The following EPHA5 variants were observed in gnomAD, a reference collection of about 807,000 sequenced individuals.
The protein encoded by EPHA5 is ephrin type-A receptor 5.
A neutral mutation model predicts 105.0 loss-of-function variants in EPHA5; 60 were observed. That is an observed-to-expected ratio of 0.57 (90% CI 0.46 to 0.71). EPHA5 has a LOEUF of 0.71. EPHA5 is among the 30% of genes least tolerant of loss of function. The pLI, the probability that EPHA5 is intolerant of heterozygous loss-of-function variation, is 0.00. For missense variants in EPHA5, 1,218 were observed against 1,274.7 expected (o/e 0.96, Z 0.68); for synonymous variants, 513 against 449.1 (o/e 1.14, Z -1.80).
At chr4:65,421,475 C>G (rs1723939393) in intron 5 of EPHA5, among the ~76,000 whole-genome samples, 1 of 152,024 alleles carries the variant, frequency 6.6e-6, no homozygotes, top group Non-Finnish European at 1.5e-5. Context: ...ATATTTTGTT[C>G]AGTAGTGAAT....
intron 1 of EPHA5, among the ~76,000 whole-genome samples, chr4:65,654,377 T>G (rs2149534547): frequency 6.6e-6 from 1 of 152,100 alleles, no homozygotes; most frequent in South Asian, 2.1e-4. Flanking sequence ...TTGTTCAAGT[T>G]CCATAGAATA....
chr4:65,476,720 T>A (rs1250782092), intron 5 of EPHA5, among the ~76,000 whole-genome samples: 2 of 152,066 alleles, frequency 1.3e-5, no homozygotes, highest in Non-Finnish European at 2.9e-5. Context: ...AATTAACTAA[T>A]TAATTAATTT....
intron 5 of EPHA5, among the ~76,000 whole-genome samples, chr4:65,478,261 T>C (rs1730021771): frequency 6.6e-6 from 1 of 152,144 alleles, no homozygotes; most frequent in South Asian, 2.1e-4. Context: ...CCAATATAGA[T>C]ATATTCATGA....
At chr4:65,654,222 AC>A (rs1427919952) in intron 1 of EPHA5, among the ~76,000 whole-genome samples, 10 of 147,848 alleles carry the variant, frequency 6.8e-5, no homozygotes, top group Non-Finnish European at 1.5e-4. Context: ...CCAGACATCT[AC>A]CCTCCAACTT....
At chr4:65,528,431 T>C (rs1735448231) in intron 3 of EPHA5, among the ~76,000 whole-genome samples, 1 of 152,086 alleles carries the variant, frequency 6.6e-6, no homozygotes, top group African/African-American at 2.4e-5. Flanking sequence ...TTTAATTCGC[T>C]TCTTCCTCCG....
chr4:65,664,716 T>C (rs1362113138), intron 1 of EPHA5, among the ~76,000 whole-genome samples: 1 of 151,962 alleles, frequency 6.6e-6, no homozygotes, highest in Non-Finnish European at 1.5e-5. Context: ...ACCTGAAATA[T>C]ACTCACTACA....
At chr4:65,540,276 C>T (rs1452233047) in intron 3 of EPHA5, among the ~76,000 whole-genome samples, 1 of 151,364 alleles carries the variant, frequency 6.6e-6, no homozygotes, top group African/African-American at 2.4e-5. Flanking sequence ...CACATGAAAA[C>T]TTATTTCTTT....
chr4:65,576,372 G>T (rs900460883), intron 3 of EPHA5, among the ~76,000 whole-genome samples: 3 of 152,202 alleles, frequency 2.0e-5, no homozygotes, highest in African/African-American at 7.2e-5. Flanking sequence ...TTCACCAGAA[G>T]AAGTACAGCC....
At chr4:65,625,289 T>G (rs984985022) in intron 2 of EPHA5, among the ~76,000 whole-genome samples, 1 of 152,006 alleles carries the variant, frequency 6.6e-6, no homozygotes, top group Non-Finnish European at 1.5e-5. Flanking sequence ...ATAGATCTAG[T>G]TTTTTTTAAA....
At chr4:65,397,595 C>T (rs908353042) in intron 8 of EPHA5, among the ~76,000 whole-genome samples, 3 of 146,080 alleles carry the variant, frequency 2.1e-5, no homozygotes, top group Admixed American at 6.8e-5. Flanking sequence ...AAATAGTCTA[C>T]GTTTTAGATT....
intron 2 of EPHA5, among the ~76,000 whole-genome samples, chr4:65,625,673 G>T (rs1746072835): frequency 6.6e-6 from 1 of 152,122 alleles, no homozygotes; most frequent in Admixed American, 6.6e-5. Flanking sequence ...TTGTAGTTAT[G>T]ATAAGAAATA....
intron 5 of EPHA5, among the ~76,000 whole-genome samples, chr4:65,429,919 A>G (rs1006329248): frequency 1.3e-5 from 2 of 152,086 alleles, no homozygotes; most frequent in Admixed American, 6.6e-5. Flanking sequence ...CATCCCAATC[A>G]CAATATCTTT....
At chr4:65,527,408 T>C (rs1735340482) in intron 3 of EPHA5, among the ~76,000 whole-genome samples, 1 of 152,090 alleles carries the variant, frequency 6.6e-6, no homozygotes, top group African/African-American at 2.4e-5. Flanking sequence ...TAATATGTTC[T>C]GAATTAGCGA....
At chr4:65,367,271 A>G in intron 9 of EPHA5, 86 bp downstream of exon 9, 1 of 1,146,832 alleles carries the variant, frequency 8.7e-7, no homozygotes, top group Non-Finnish European at 1.2e-6. Flanking sequence ...GTCAGTTATT[A>G]TAAATCTTGT....
At chr4:65,398,900 C>T (rs370962613) in intron 8 of EPHA5, among the ~76,000 whole-genome samples, 1 of 152,176 alleles carries the variant, frequency 6.6e-6, no homozygotes, top group Non-Finnish European at 1.5e-5. Flanking sequence ...TAACCTTGCT[C>T]ATTCTACAGT....
At chr4:65,642,040 G>C (rs1025737070) in intron 2 of EPHA5, among the ~76,000 whole-genome samples, 1 of 151,848 alleles carries the variant, frequency 6.6e-6, no homozygotes, top group South Asian at 2.1e-4. Flanking sequence ...CTCTTCCAAG[G>C]CTCTATTTTA....
intron 2 of EPHA5, among the ~76,000 whole-genome samples, chr4:65,611,264 T>C (rs931367436): frequency 1.3e-5 from 2 of 152,092 alleles, no homozygotes; most frequent in African/African-American, 2.4e-5. Flanking sequence ...TTCAATATAT[T>C]TCGGTATATT....
intron 2 of EPHA5, among the ~76,000 whole-genome samples, chr4:65,637,569 CAT>C (rs34456844): frequency 0.064 from 7,219 of 112,378 alleles, 489 homozygotes; most frequent in African/African-American, 0.17. Flanking sequence ...ATGAGTTTTG[CAT>C]ATATATATAT....
intron 2 of EPHA5, among the ~76,000 whole-genome samples, chr4:65,626,406 A>G (rs1746167102): frequency 6.6e-6 from 1 of 152,214 alleles, no homozygotes; most frequent in Admixed American, 6.5e-5. Context: ...AGCTATTTTC[A>G]TTATTGTGAT....
Sources: allele counts gnomAD v4.1 joint callset (sites outside exome capture counted in the v4.1 genomes callset), GRCh38; gene constraint gnomAD v4.1.1; transcripts MANE v1.5; gene names NCBI Gene and HGNC (gene_info 2026-07-23, HGNC 2026-07-21).